The following ITGAE variants were observed in gnomAD, a reference collection of about 807,000 sequenced individuals.
ITGAE encodes the protein integrin alpha-E.
ITGAE carries 99 observed loss-of-function variants against 136.5 expected under a neutral mutation model. That is an observed-to-expected ratio of 0.73 (90% confidence interval 0.62 to 0.86). The LOEUF is 0.86. ITGAE is among the 40% of genes least tolerant of loss of function. The pLI is 0.00. For synonymous variants in ITGAE, 613 were observed against 591.8 expected, an observed-to-expected ratio of 1.04 and a Z score of -0.52; for missense variants, 1,447 against 1,515.3, an observed-to-expected ratio of 0.95 and a Z score of 0.75.
At chr17:3,738,475 G>A (rs1011190514) in intron 20 of ITGAE, among the ~76,000 whole-genome samples, 2 of 152,024 alleles carry the variant, frequency 1.3e-5, no homozygotes, top group African/African-American at 4.8e-5. Context: ...GGCCTGGGGG[G>A]CATTCTAAGA....
At chr17:3,755,987 A>T in intron 10 of ITGAE, 90 bp from the exon 11 acceptor site, 1 of 1,245,954 alleles carries the variant, frequency 8.0e-7, no homozygotes, top group Admixed American at 2.0e-5. Context: ...CCTCACTCCC[A>T]GAAGGAACCA....
At chr17:3,716,092 T>C (rs8082503) in intron 30 of ITGAE, among the ~76,000 whole-genome samples, 79,906 of 136,616 alleles carry the variant, frequency 0.58, 22,013 homozygotes, top group African/African-American at 0.69. Flanking sequence ...GGGGTCAGGG[T>C]GGGGGGAAGG....
chr17:3,760,367 C>T, intron 6 of ITGAE, 80 bp from the exon 7 acceptor site: 1 of 696,146 alleles, frequency 1.4e-6, no homozygotes, highest in Non-Finnish European at 2.4e-6. Flanking sequence ...CATGCACCCC[C>T]ACTGCAGCCC....
chr17:3,794,633 C>A (rs1049683943), intron 1 of ITGAE, among the ~76,000 whole-genome samples: 1 of 152,158 alleles, frequency 6.6e-6, no homozygotes, highest in African/African-American at 2.4e-5. Context: ...GTACTGTTCC[C>A]GCTGCTCCCC....
At chr17:3,755,777 C>T (rs2052004864) in intron 11 of ITGAE, 53 bp downstream of exon 11, 1 of 1,510,184 alleles carries the variant, frequency 6.6e-7, no homozygotes, top group Non-Finnish European at 9.0e-7. Context: ...TCCTAGGTGT[C>T]CTGGGCCCCT....
intron 2 of ITGAE, among the ~76,000 whole-genome samples, chr17:3,769,074 G>C (rs541375686): frequency 7.7e-4 from 117 of 152,218 alleles, no homozygotes; most frequent in African/African-American, 2.6e-3. Flanking sequence ...CCTAGACCCA[G>C]CATCTCCTTC....
chr17:3,761,319 A>G, intron 5 of ITGAE, 84 bp downstream of exon 5: 1 of 1,541,790 alleles, frequency 6.5e-7, no homozygotes. Context: ...GTCCCACTGC[A>G]TCTGCCGTGA....
chr17:3,742,517 C>G (rs1365186659), intron 19 of ITGAE, among the ~76,000 whole-genome samples: 2 of 149,058 alleles, frequency 1.3e-5, no homozygotes, highest in Non-Finnish European at 3.0e-5. Context: ...TGCAGTGGCA[C>G]GATCTCGGTT....
chr17:3,759,378 A>G (rs368627609), intron 8 of ITGAE, 24 bp downstream of exon 8: 8 of 1,606,714 alleles, frequency 5.0e-6, no homozygotes, highest in South Asian at 1.1e-5. Flanking sequence ...TGGCCAGAAT[A>G]ATTCCTGCAG....
At chr17:3,716,851 A>T in intron 29 of ITGAE, 53 bp from the exon 30 acceptor site, 1 of 988,602 alleles carries the variant, frequency 1.0e-6, no homozygotes, top group Non-Finnish European at 1.6e-6. Flanking sequence ...AACAAGGAAA[A>T]AATCCTACAT....
chr17:3,728,255 G>C, intron 24 of ITGAE, 87 bp from the exon 25 acceptor site: 1 of 1,003,810 alleles, frequency 1.0e-6, no homozygotes, highest in East Asian at 2.4e-5. Context: ...CCAGGCTAGA[G>C]CACAGTGGAA....
rs1343364257 is a variant in ITGAE, at chr17:3,757,772, G to A, written c.954C>T (p.Asp318=). 3 of 1,614,112 alleles carry A rather than the reference G, an allele frequency of 1.9e-6. No homozygotes were observed. The highest frequency in any genetic ancestry group is 1.7e-6 in the Non-Finnish European group (2 of 1,180,022). ...VVLTDGGIFE[D]PLNLTTVINS... is the part of the protein sequence containing the mutation. ...TGATGACTGTCGTAAGGTTGAGGGG[G>A]TCCTCGAATATGCCACCATCGGTGA... Residue 318 remains aspartate (D), a synonymous_variant, in exon 9 of 31, where the codon GAC becomes GAT. Transcript: ENST00000263087.
intron 2 of ITGAE, among the ~76,000 whole-genome samples, chr17:3,768,493 C>G (rs2052349726): frequency 6.6e-6 from 1 of 152,166 alleles, no homozygotes; most frequent in South Asian, 2.1e-4. Context: ...AGTGGCAGCC[C>G]CAGTTCCTGG....
At chr17:3,770,679 A>C (rs2052399732) in intron 2 of ITGAE, among the ~76,000 whole-genome samples, 1 of 152,168 alleles carries the variant, frequency 6.6e-6, no homozygotes, top group Admixed American at 6.6e-5. Context: ...GGAACCCAGA[A>C]GTGCCTCCCA....
chr17:3,792,851 A>G (rs530363190), intron 1 of ITGAE, among the ~76,000 whole-genome samples: 1 of 152,192 alleles, frequency 6.6e-6, no homozygotes, highest in Admixed American at 6.5e-5. Flanking sequence ...GCAAAGCACA[A>G]CCAGTCTGGT....
At chr17:3,742,457 T>TG (rs34957263) in intron 19 of ITGAE, among the ~76,000 whole-genome samples, 5 of 23,432 alleles carry the variant, frequency 2.1e-4, no homozygotes, top group Non-Finnish European at 3.3e-4. Context: ...AGGTTTGTGG[T>TG]TTTTTTTTTT....
At chr17:3,780,685 A>C (rs574007432) in intron 1 of ITGAE, among the ~76,000 whole-genome samples, 2 of 152,220 alleles carry the variant, frequency 1.3e-5, no homozygotes, top group East Asian at 3.9e-4. Context: ...CGCCCGCCTC[A>C]GCCTCCCAAA....
intron 24 of ITGAE, 54 bp downstream of exon 24, chr17:3,729,424 G>A: frequency 1.8e-6 from 2 of 1,116,508 alleles, no homozygotes; most frequent in Admixed American, 3.4e-5. Flanking sequence ...AGAGCCCAAA[G>A]CTGCCCCCTG....
At chr17:3,750,575 G>T in intron 15 of ITGAE, 93 bp from the exon 16 acceptor site, 1 of 1,446,116 alleles carries the variant, frequency 6.9e-7, no homozygotes, top group South Asian at 1.3e-5. Context: ...AGCATCGCAG[G>T]CACCATCCAG....
Sources: gnomAD v4.1 joint callset for allele counts (sites outside exome capture counted in the v4.1 genomes callset) on GRCh38, gnomAD v4.1.1 for gene constraint, MANE v1.5 for transcripts, NCBI Gene and HGNC (gene_info 2026-07-23, HGNC 2026-07-21) for gene names.